Variants in RASEF observed in about 807,000 individuals in gnomAD.
RASEF encodes ras and EF-hand domain-containing protein.
RASEF carries 68 observed loss-of-function variants against 90.1 expected under a neutral mutation model. That is an observed-to-expected ratio of 0.75 (90% CI 0.62 to 0.92). RASEF has a LOEUF of 0.92. RASEF is among the 40% of genes least tolerant of loss of function. The pLI, the probability that RASEF is intolerant of heterozygous loss-of-function variation, is 0.00. For synonymous variants in RASEF, 331 were observed against 345.2 expected (o/e 0.96, Z 0.46); for missense variants, 949 against 937.2 (o/e 1.01, Z -0.16).
chr9:83,195,295 C>T, the RASEF span, among the ~76,000 whole-genome samples: 1 of 152,138 alleles, frequency 6.6e-6, no homozygotes, highest in African/African-American at 2.4e-5. Context: ...ACTGAGTTTG[C>T]CCAAATCCTC....
At chr9:83,000,646 T>A in intron 10 of RASEF, 76 bp from the exon 11 acceptor site, 1 of 1,344,758 alleles carries the variant, frequency 7.4e-7, no homozygotes, top group Non-Finnish European at 1.0e-6. Flanking sequence ...ATGTATACAT[T>A]ATGGATTAAA....
At position 83,062,757 on chromosome 9, in the gene RASEF, G is replaced by A; in HGVS notation, c.111C>T (p.Cys37=). 1 of 1,567,152 alleles carries A rather than the reference G, an allele frequency of 6.4e-7. No homozygotes were observed. The highest frequency in any genetic ancestry group is 2.3e-5 in the East Asian group (1 of 43,142). Residue 37 remains cysteine (C), a synonymous_variant, in exon 1 of 17, where the codon TGC becomes TGT. Coordinates refer to ENST00000376447, the MANE Select transcript of RASEF (RefSeq NM_152573.4). ...CGGCCGGCCGCACCCGCAGCTCCGTGCACAGTGCCCGGAACTCCTCGCGCT... is the reference window on the plus strand; with the variant it reads ...CGGCCGGCCGCACCCGCAGCTCCGTACACAGTGCCCGGAACTCCTCGCGCT... The part of the protein sequence containing the change: ...RLEREEFRAL[C]TELRVRPADA...
intron 7 of RASEF, among the ~76,000 whole-genome samples, chr9:83,006,422 A>G (rs577323364): frequency 6.6e-6 from 1 of 152,342 alleles, no homozygotes; most frequent in South Asian, 2.1e-4. Context: ...TGAATGAATG[A>G]ATAAATAAAA....
At chr9:83,126,183 C>T in the RASEF span, among the ~76,000 whole-genome samples, 16 of 152,052 alleles carry the variant, frequency 1.1e-4, no homozygotes, top group Non-Finnish European at 2.2e-4. Context: ...ACCCTAACCC[C>T]AATGTGATGG....
At chr9:83,111,049 T>A in the RASEF span, among the ~76,000 whole-genome samples, 2 of 152,078 alleles carry the variant, frequency 1.3e-5, no homozygotes, top group African/African-American at 4.8e-5. Flanking sequence ...ATGCAGAATA[T>A]AAGATAAGAA....
the RASEF span, among the ~76,000 whole-genome samples, chr9:83,209,504 CCAG>C: frequency 6.6e-6 from 1 of 152,180 alleles, no homozygotes; most frequent in South Asian, 2.1e-4. Flanking sequence ...GCAAATTTGG[CCAG>C]AAGAAACTGG....
At chr9:82,985,636 G>C (rs748161429) in intron 16 of RASEF, among the ~76,000 whole-genome samples, 45 of 152,184 alleles carry the variant, frequency 3.0e-4, no homozygotes, top group Non-Finnish European at 4.7e-4. Context: ...TTCCACAGTA[G>C]AGGATGAACT....
At chr9:82,989,942 C>G (rs1418466265) in intron 16 of RASEF, among the ~76,000 whole-genome samples, 4 of 152,186 alleles carry the variant, frequency 2.6e-5, no homozygotes, top group African/African-American at 9.6e-5. Context: ...TTATTATTAA[C>G]ACTATTGCCT....
the RASEF span, among the ~76,000 whole-genome samples, chr9:83,128,550 T>C: frequency 6.7e-6 from 1 of 149,470 alleles, no homozygotes; most frequent in Non-Finnish European, 1.5e-5. Context: ...CCAGACACAC[T>C]GGGAAATAAA....
chr9:83,111,721 A>T, the RASEF span, among the ~76,000 whole-genome samples: 1 of 152,072 alleles, frequency 6.6e-6, no homozygotes, highest in Non-Finnish European at 1.5e-5. Context: ...ATAATATCTT[A>T]AGAGTTAGTT....
intron 1 of RASEF, among the ~76,000 whole-genome samples, chr9:83,056,152 T>C (rs1830100921): frequency 1.3e-5 from 2 of 152,234 alleles, no homozygotes; most frequent in Admixed American, 1.3e-4. Context: ...AATTCACTCT[T>C]CTTATAATTA....
intron 1 of RASEF, chr9:83,055,700 A>C (rs959547372): frequency 8.4e-6 from 6 of 717,128 alleles, no homozygotes; most frequent in Non-Finnish European, 1.6e-5. Flanking sequence ...TACAAAAGTC[A>C]TCCAAATCTG....
At chr9:83,091,471 C>A in the RASEF span, among the ~76,000 whole-genome samples, 2 of 152,174 alleles carry the variant, frequency 1.3e-5, no homozygotes, top group Non-Finnish European at 2.9e-5. Context: ...AGGAGCAACA[C>A]TGGGACCTGG....
the RASEF span, among the ~76,000 whole-genome samples, chr9:83,194,414 C>T: frequency 6.6e-6 from 1 of 152,202 alleles, no homozygotes; most frequent in Non-Finnish European, 1.5e-5. Context: ...GAGAACACTA[C>T]ACAGGTGCTG....
At chr9:83,112,844 A>G in the RASEF span, among the ~76,000 whole-genome samples, 1 of 152,056 alleles carries the variant, frequency 6.6e-6, no homozygotes, top group African/African-American at 2.4e-5. Flanking sequence ...TTGTTTTTTT[A>G]ATTTCCACAC....
chr9:83,199,405 GCTAA>G, the RASEF span, among the ~76,000 whole-genome samples: 4 of 151,266 alleles, frequency 2.6e-5, no homozygotes, highest in East Asian at 1.9e-4. Context: ...AGCAGGGATT[GCTAA>G]CTAACACGGC....
At chr9:83,135,674 C>G in the RASEF span, among the ~76,000 whole-genome samples, 1 of 152,038 alleles carries the variant, frequency 6.6e-6, no homozygotes, top group African/African-American at 2.4e-5. Flanking sequence ...TGGATAATCA[C>G]CAGTCAATCC....
At chr9:83,061,744 T>C (rs984950193) in intron 1 of RASEF, among the ~76,000 whole-genome samples, 1 of 152,254 alleles carries the variant, frequency 6.6e-6, no homozygotes, top group Non-Finnish European at 1.5e-5. Context: ...TGTCATTTTA[T>C]CATTTTATTC....
At position 82,981,458 on chromosome 9, in the gene RASEF, A is replaced by C. The variant is rs1828599289; in HGVS notation, c.*1219T>G. ...TCTTTCATTGATTATTACTTAAGGA[A>C]GTTAATGTTAGCAACCAGGGAGTTA... is the stretch of plus-strand genomic sequence containing the variant. On this transcript the variant is annotated 3_prime_UTR_variant, in exon 17 of 17. Coordinates refer to ENST00000376447, the MANE Select transcript of RASEF (RefSeq NM_152573.4). 1 of 152,242 alleles carries C rather than the reference A, an allele frequency of 6.6e-6. No individual in the cohort carries two copies. 9.4% of individuals were successfully genotyped at this position (152,242 alleles called of 1,614,324 possible). A position where few individuals can be genotyped will look rare whatever the true frequency, so the allele number is the denominator to read the frequency against.
Sources: gnomAD v4.1 joint callset for allele counts (sites outside exome capture counted in the v4.1 genomes callset) on GRCh38, gnomAD v4.1.1 for gene constraint, MANE v1.5 for transcripts, NCBI Gene and HGNC (gene_info 2026-07-23, HGNC 2026-07-21) for gene names.